The following NEDD1 variants were observed in gnomAD, a reference collection of about 807,000 sequenced individuals.
NEDD1 encodes the protein protein NEDD1.
A neutral mutation model predicts 74.0 loss-of-function variants in NEDD1; 33 were observed. The ratio of observed to expected loss-of-function variants is 0.45; its 90% CI spans 0.34 to 0.60. The LOEUF (loss-of-function observed/expected upper bound fraction) is 0.60. Ranked by LOEUF, NEDD1 falls within the 20% of genes least tolerant of loss-of-function variation. The probability of loss-of-function intolerance (pLI) is 0.01; values close to 1 mark genes in which losing one functional copy is unlikely to be tolerated. For synonymous variants in NEDD1, 250 were observed against 264.4 expected, an observed-to-expected ratio of 0.95 and a Z score of 0.53; for missense variants, 746 against 776.5, an observed-to-expected ratio of 0.96 and a Z score of 0.47.
rs1878883948 is a variant in NEDD1 at position 96,953,502 on chromosome 12, T to G, written c.*1449T>G. The G allele has an allele frequency of 1.3e-5, 2 of 151,468 alleles. No individual in the cohort carries two copies. Among genetic ancestry groups the G allele is most frequent in the Non-Finnish European group, 1.5e-5 (1 of 67,770 alleles). The allele number at this position is 151,468 out of a possible 1,614,324, so 9.4% of individuals were successfully genotyped here. A position where few individuals can be genotyped will look rare whatever the true frequency, so the allele number is the denominator to read the frequency against. On this transcript the variant is annotated 3_prime_UTR_variant, in exon 16 of 16. Coordinates refer to ENST00000266742, the MANE Select transcript of NEDD1 (RefSeq NM_152905.4). Reference sequence around the variant, plus strand: ...AGAAGACATAAATATTAGTGTGTTTTGCCTACATGGTGTATTTAAATCTAT... The same window carrying G: ...AGAAGACATAAATATTAGTGTGTTTGGCCTACATGGTGTATTTAAATCTAT...
At chr12:96,951,593 T>A (rs558271644) in intron 15 of NEDD1, 95 bp downstream of exon 15, 1 of 663,258 alleles carries the variant, frequency 1.5e-6, no homozygotes, top group South Asian at 2.2e-5. Flanking sequence ...TTAGTTGTTT[T>A]GTTTAGTTTC....
chr12:96,945,965 A>G (rs1878159134), intron 14 of NEDD1, 116 bp downstream of exon 14: 1 of 611,608 alleles, frequency 1.6e-6, no homozygotes, highest in African/African-American at 1.8e-5. Flanking sequence ...TGGTAATCCT[A>G]AAGCCATAGA....
At chr12:96,907,983 C>A in intron 2 of NEDD1, 127 bp downstream of exon 2, 2 of 658,726 alleles carry the variant, frequency 3.0e-6, no homozygotes, top group Non-Finnish European at 4.2e-6. Flanking sequence ...TGAGCCCAGG[C>A]CTCAGTGATC....
intron 12 of NEDD1, among the ~76,000 whole-genome samples, chr12:96,944,235 G>A (rs1877964682): frequency 6.6e-6 from 1 of 151,984 alleles, no homozygotes. Flanking sequence ...CAATATGTCT[G>A]TATTTTCGTA....
At position 96,943,641 on chromosome 12, in the gene NEDD1, C is replaced by A. The variant is rs1326350921; in HGVS notation, c.1376C>A (p.Ser459Tyr). ...ACTTCAAGTACTTCAGTATTGCATTCTAGTCCTCTTAATGTTTTTATGGGA... is the reference window on the plus strand; with the variant it reads ...ACTTCAAGTACTTCAGTATTGCATTATAGTCCTCTTAATGTTTTTATGGGA... ...PVTSSTSVLHSSPLNVFMGSP... is the reference protein window; with the variant it reads ...PVTSSTSVLHYSPLNVFMGSP... Residue 459 changes from serine (S) to tyrosine (Y), a missense_variant, in exon 12 of 16, where the codon TCT becomes TAT. Ser to Tyr is a moderately radical substitution (Grantham distance 144, BLOSUM62 -2). Coordinates refer to ENST00000266742, the MANE Select transcript of NEDD1 (RefSeq NM_152905.4). 1 of 1,610,978 alleles carries A rather than the reference C, an allele frequency of 6.2e-7. No homozygotes were observed. Among genetic ancestry groups the A allele is most frequent in the South Asian group, 1.1e-5 (1 of 91,006 alleles).
chr12:96,919,869 A>G (rs779373676), intron 5 of NEDD1, 116 bp from the exon 6 acceptor site: 2 of 632,018 alleles, frequency 3.2e-6, no homozygotes, highest in Non-Finnish European at 5.3e-6. Context: ...TTTGAGGAAA[A>G]TGTTAAAGCA....
chr12:96,919,701 A>G (rs1874853161), intron 5 of NEDD1, among the ~76,000 whole-genome samples: 1 of 152,160 alleles, frequency 6.6e-6, no homozygotes, highest in East Asian at 1.9e-4. Context: ...TAAAGCAGAA[A>G]CTCAAAATAG....
At chr12:96,951,208 T>G (rs1388629147) in intron 14 of NEDD1, among the ~76,000 whole-genome samples, 2 of 151,894 alleles carry the variant, frequency 1.3e-5, no homozygotes, top group Non-Finnish European at 3.0e-5. Context: ...CTGTAATAAT[T>G]GCATCTACTT....
chr12:96,912,097 G>A (rs1028691809), intron 3 of NEDD1, among the ~76,000 whole-genome samples: 2 of 150,766 alleles, frequency 1.3e-5, no homozygotes. Flanking sequence ...TGTAAAAGAA[G>A]GTAAATAAAA....
chr12:96,920,083 C>A lies in NEDD1; in HGVS notation c.447C>A (p.Thr149=), dbSNP rs1348312117. The stretch of plus-strand genomic sequence containing the variant: ...GTGAAATTATTTTACACAGTGTAAC[C>A]ACTAATTTATCTAGTACTCCTTTTG... ...LSGEIILHSV[T]TNLSSTPFGH... is the part of the protein sequence containing the mutation. Residue 149 remains threonine, a synonymous_variant, in exon 6 of 16, where the codon ACC becomes ACA. Coordinates refer to ENST00000266742, the MANE Select transcript of NEDD1 (RefSeq NM_152905.4). The A allele has an allele frequency of 6.2e-7, 1 of 1,605,248 alleles. No individual in the cohort carries two copies. Among genetic ancestry groups the A allele is most frequent in the African/African-American group, 1.3e-5 (1 of 74,710 alleles).
chr12:96,926,813 G>A (rs974753434), intron 6 of NEDD1, among the ~76,000 whole-genome samples: 3 of 151,574 alleles, frequency 2.0e-5, no homozygotes, highest in Admixed American at 1.3e-4. Context: ...ATGGTGAAAC[G>A]CCATCTCTAC....
Position 96,953,542 on chromosome 12 carries a change from T to G in NEDD1, c.*1489T>G, listed in dbSNP as rs571113059. 145 of 151,934 alleles carry G rather than the reference T, an allele frequency of 9.5e-4. 1 individual carries two copies. The highest frequency in any genetic ancestry group is 3.4e-3 in the Middle Eastern group (1 of 294). The allele number at this position is 151,934 out of a possible 1,614,324, so 9.4% of individuals were successfully genotyped here. Reference sequence around the variant, plus strand: ...TTTAAATCTATTAATATTTTCCTGTTGCTTTTTTAAAAAAATAAATACACA... The same window carrying G: ...TTTAAATCTATTAATATTTTCCTGTGGCTTTTTTAAAAAAATAAATACACA... On this transcript the variant is annotated 3_prime_UTR_variant, in exon 16 of 16. Coordinates refer to ENST00000266742, the MANE Select transcript of NEDD1 (RefSeq NM_152905.4).
At chr12:96,939,278 A>G (rs1448500172) in intron 9 of NEDD1, among the ~76,000 whole-genome samples, 2 of 152,020 alleles carry the variant, frequency 1.3e-5, no homozygotes, top group African/African-American at 2.4e-5. Context: ...GCTGTTTTCA[A>G]ATGATACCAA....
intron 6 of NEDD1, among the ~76,000 whole-genome samples, chr12:96,923,314 T>C (rs7296608): frequency 0.51 from 77,292 of 151,670 alleles, 20,225 homozygotes; most frequent in African/African-American, 0.62. Context: ...AGGTAGCTAC[T>C]GTGAATATTT....
chr12:96,938,565 G>A (rs1209687630), intron 9 of NEDD1, among the ~76,000 whole-genome samples: 2 of 151,960 alleles, frequency 1.3e-5, no homozygotes, highest in African/African-American at 4.8e-5. Context: ...CAAATCAAAG[G>A]CTTGGATCTT....
chr12:96,940,365 A>C (rs1386173622), intron 9 of NEDD1, 44 bp from the exon 10 acceptor site: 1 of 1,235,882 alleles, frequency 8.1e-7, no homozygotes, highest in Admixed American at 2.1e-5. Flanking sequence ...GATAAAATTT[A>C]TTTAGATGTA....
intron 1 of NEDD1, 125 bp downstream of exon 1, chr12:96,907,425 C>T (rs1351138311): frequency 3.3e-5 from 18 of 538,588 alleles, no homozygotes; most frequent in Non-Finnish European, 5.8e-5. Context: ...TTTGCGCGCC[C>T]GGAGCGGTTG....
intron 11 of NEDD1, 109 bp from the exon 12 acceptor site, chr12:96,943,451 G>T (rs1877866107): frequency 4.1e-6 from 3 of 730,960 alleles, no homozygotes; most frequent in Non-Finnish European, 7.1e-6. Context: ...TCTTCAGAAT[G>T]CAGATCCATA....
chr12:96,938,431 A>C (rs2136594999), intron 9 of NEDD1, among the ~76,000 whole-genome samples: 1 of 152,174 alleles, frequency 6.6e-6, no homozygotes, highest in South Asian at 2.1e-4. Flanking sequence ...TCTTTTTTCA[A>C]AATTTTCAAA....
Sources: allele counts gnomAD v4.1 joint callset (sites outside exome capture counted in the v4.1 genomes callset), GRCh38; gene constraint gnomAD v4.1.1; transcripts MANE v1.5; gene names NCBI Gene and HGNC (gene_info 2026-07-23, HGNC 2026-07-21).